SLC22A23: variants seen among roughly 807,000 people sequenced by gnomAD.
SLC22A23 encodes solute carrier family 22 member 23, also known as ion transporter protein.
Under a neutral mutation model 61.0 loss-of-function variants are expected in SLC22A23, and 26 were observed. The observed-to-expected ratio is 0.43, with a 90% CI of 0.31 to 0.59. The LOEUF is 0.59. Ranked by LOEUF, SLC22A23 falls within the 20% of genes least tolerant of loss-of-function variation. SLC22A23 has a pLI of 0.11. For missense variants in SLC22A23, 796 were observed against 934.7 expected (o/e 0.85, Z 1.94); for synonymous variants, 430 against 413.9 (o/e 1.04, Z -0.47).
intron 3 of SLC22A23, among the ~76,000 whole-genome samples, chr6:3,351,388 C>A (rs576938607): frequency 2.0e-4 from 30 of 152,260 alleles, no homozygotes; most frequent in Middle Eastern, 3.4e-3. Flanking sequence ...GAAAAATAAT[C>A]TGATGTTATC....
At chr6:3,323,400 G>A in intron 4 of SLC22A23, 1 of 455,242 alleles carries the variant, frequency 2.2e-6, no homozygotes. Context: ...TGGCCCACAG[G>A]CTGAAGGTTG....
chr6:3,311,986 C>G (rs9392480), intron 4 of SLC22A23: 6 of 152,162 alleles, frequency 3.9e-5, no homozygotes, highest in Non-Finnish European at 8.8e-5. Flanking sequence ...CATCTAGACT[C>G]AGGGCTAACG....
At chr6:3,347,977 T>A (rs924433829) in intron 3 of SLC22A23, among the ~76,000 whole-genome samples, 1 of 152,182 alleles carries the variant, frequency 6.6e-6, no homozygotes, top group Non-Finnish European at 1.5e-5. Flanking sequence ...TGTGTCATCA[T>A]GGAGGCTTTT....
intron 3 of SLC22A23, among the ~76,000 whole-genome samples, chr6:3,392,699 C>T (rs879178771): frequency 6.6e-6 from 1 of 152,070 alleles, no homozygotes; most frequent in African/African-American, 2.4e-5. Context: ...AAGGGTGACT[C>T]TTACCCATTT....
Position 3,317,479 on chromosome 6 carries a change from C to T in SLC22A23, c.1082+6355G>A, listed in dbSNP as rs1762708339. The stretch of plus-strand genomic sequence containing the variant: ...TCCTCCTAGATGCTCCTAGATACTC[C>T]CTTCTTCTTGTGGTTTGGATCTTGC... On this transcript the variant is annotated intron_variant, in intron 4 of 9. Coordinates refer to ENST00000406686, the MANE Select transcript of SLC22A23 (RefSeq NM_015482.2). The surrounding 1 kb of genome is among the most constrained non-coding windows in gnomAD (Gnocchi z 4.4). Among the ~76,000 whole-genome samples, 1 of 152,198 alleles carries T rather than the reference C, an allele frequency of 6.6e-6. No individual in the cohort carries two copies. The highest frequency in any genetic ancestry group is 1.5e-5 in the Non-Finnish European group (1 of 68,042).
At position 3,324,238 on chromosome 6, in the gene SLC22A23, G is replaced by A. The variant is rs1763146575; in HGVS notation, c.914-236C>T. On this transcript the variant is annotated intron_variant, in intron 3 of 9. Coordinates refer to ENST00000406686, the MANE Select transcript of SLC22A23 (RefSeq NM_015482.2). The surrounding 1 kb of genome is among the most constrained non-coding windows in gnomAD (Gnocchi z 4.3). ...GCCACAGGGCTAGTCGATGACGAAG[G>A]GATGCTATAATTCAGAGGAGCTTAG... The A allele has an allele frequency of 3.6e-6, 2 of 550,054 alleles. No individual in the cohort carries two copies. The highest frequency in any genetic ancestry group is 6.5e-6 in the Non-Finnish European group (2 of 308,336). 34.1% of individuals were successfully genotyped at this position (550,054 alleles called of 1,614,324 possible). A position where few individuals can be genotyped will look rare whatever the true frequency, so the allele number is the denominator to read the frequency against.
chr6:3,359,797 C>T lies in SLC22A23; in HGVS notation c.914-35795G>A, dbSNP rs80308382. Among the ~76,000 whole-genome samples the T allele has an allele frequency of 4.1e-4, 62 of 152,254 alleles. 1 individual carries two copies. The East Asian group carries it at 9.1e-3, about 22-fold the overall frequency. On this transcript the variant is annotated intron_variant, in intron 3 of 9. Coordinates refer to ENST00000406686, the MANE Select transcript of SLC22A23 (RefSeq NM_015482.2). ...CAACAGCCAAAAGGTGGGAGCAACG[C>T]AGGTGTCCATCAACAGATGAATGGA...
intron 3 of SLC22A23, among the ~76,000 whole-genome samples, chr6:3,349,062 G>C (rs73720537): frequency 0.04 from 6,160 of 152,326 alleles, 360 homozygotes; most frequent in African/African-American, 0.13. Flanking sequence ...GGATGACAAG[G>C]AAGGGGGATG....
At chr6:3,405,022 AG>A (rs761813694) in intron 3 of SLC22A23, among the ~76,000 whole-genome samples, 2 of 151,746 alleles carry the variant, frequency 1.3e-5, no homozygotes, top group Admixed American at 6.6e-5. Flanking sequence ...GCACTTTGGG[AG>A]GCCGAGGCGG....
intron 3 of SLC22A23, among the ~76,000 whole-genome samples, chr6:3,379,083 C>T (rs1561938583): frequency 1.3e-5 from 2 of 152,098 alleles, no homozygotes; most frequent in Non-Finnish European, 2.9e-5. Flanking sequence ...ACACTTTTTG[C>T]CCTGTTTTCT....
intron 6 of SLC22A23, among the ~76,000 whole-genome samples, chr6:3,288,584 T>C (rs1416834397): frequency 6.6e-6 from 1 of 152,248 alleles, no homozygotes; most frequent in Non-Finnish European, 1.5e-5. Context: ...CAACAGGTCA[T>C]CTGAAGATAA....
At chr6:3,273,449 G>C (rs1463634159) in intron 9 of SLC22A23, 37 bp from the exon 10 acceptor site, 1 of 1,602,712 alleles carries the variant, frequency 6.2e-7, no homozygotes, top group Admixed American at 1.7e-5. Context: ...TGCTGCTGTG[G>C]GCTAGCGGGC....
At chr6:3,380,645 T>G (rs1766898248) in intron 3 of SLC22A23, among the ~76,000 whole-genome samples, 1 of 149,246 alleles carries the variant, frequency 6.7e-6, no homozygotes, top group Non-Finnish European at 1.5e-5. Context: ...ATTAAGTTAT[T>G]AAAAAAAAAA....
chr6:3,270,835 C>CA lies in SLC22A23; in HGVS notation c.*2219dup, dbSNP rs75164877. ...GGCAGCACTCTACAGCTTCAATTTC[C>CA]AAAAAAAAAAAAAAGTTTACACGAC... is the stretch of plus-strand genomic sequence containing the variant. On this transcript the variant is annotated 3_prime_UTR_variant, in exon 10 of 10. Transcript: ENST00000406686. 1,286 of 141,656 alleles carry CA rather than the reference C, an allele frequency of 9.1e-3. 15 individuals are homozygous for CA. Among genetic ancestry groups the CA allele is most frequent in the African/African-American group, 0.026 (1,009 of 38,850 alleles). The allele number at this position is 141,656 out of a possible 1,614,324, so 8.8% of individuals were successfully genotyped here.
chr6:3,448,359 C>T (rs4959836), intron 1 of SLC22A23, among the ~76,000 whole-genome samples: 13,188 of 152,258 alleles, frequency 0.087, 733 homozygotes, highest in African/African-American at 0.16. Flanking sequence ...GCCAGCATGA[C>T]ATTACTGAAT....
Position 3,270,027 on chromosome 6 carries a change from GTAA to G in SLC22A23, c.*3025_*3027del, listed in dbSNP as rs1319469461. 2.6e-4 allele frequency: 39 copies of G among 152,694 alleles called. No homozygotes were observed. Among genetic ancestry groups the G allele is most frequent in the African/African-American group, 8.4e-4 (35 of 41,568 alleles). The allele number at this position is 152,694 out of a possible 1,614,324, so 9.5% of individuals were successfully genotyped here. ...ACCTTTTTCCTGTTTCTCTTGGGTG[GTAA>G]TAATTTTAGGGCATTTGATAAGAGT... On this transcript the variant is annotated 3_prime_UTR_variant, in exon 10 of 10. Transcript: ENST00000406686.
chr6:3,411,618 G>A (rs1769253939), intron 2 of SLC22A23, among the ~76,000 whole-genome samples: 1 of 142,934 alleles, frequency 7.0e-6, no homozygotes, highest in Non-Finnish European at 1.5e-5. Flanking sequence ...CAAATTATAT[G>A]TCAATAAAAC....
chr6:3,447,653 ATC>A (rs1295228723), intron 1 of SLC22A23, among the ~76,000 whole-genome samples: 1 of 148,540 alleles, frequency 6.7e-6, no homozygotes, highest in African/African-American at 2.5e-5. Context: ...CAGTGGTGCA[ATC>A]TCGGCTCACT....
chr6:3,447,672 T>C (rs1206052653), intron 1 of SLC22A23, among the ~76,000 whole-genome samples: 1 of 144,314 alleles, frequency 6.9e-6, no homozygotes, highest in Non-Finnish European at 1.5e-5. Context: ...CACTGCAAGC[T>C]CCGCCTCCCG....
Sources: gnomAD v4.1 joint callset for allele counts (sites outside exome capture counted in the v4.1 genomes callset) on GRCh38, gnomAD v4.1.1 for gene constraint, Gnocchi (gnomAD v3.1) non-coding constraint, MANE v1.5 for transcripts, NCBI Gene and HGNC (gene_info 2026-07-23, HGNC 2026-07-21) for gene names.